RBFOX1: variants seen among roughly 807,000 people sequenced by gnomAD.
RBFOX1 encodes RNA binding fox-1 homolog 1.
Under a neutral mutation model 57.7 loss-of-function variants are expected in RBFOX1, and 8 were observed. The ratio of observed to expected loss-of-function variants is 0.14; its 90% CI spans 0.08 to 0.25. The LOEUF (loss-of-function observed/expected upper bound fraction) is 0.25. Ranked by LOEUF, RBFOX1 falls within the 10% of genes least tolerant of loss-of-function variation. The pLI, the probability that RBFOX1 is intolerant of heterozygous loss-of-function variation, is 1.00. For synonymous variants in RBFOX1, 326 were observed against 222.4 expected (o/e 1.47, Z -4.15); for missense variants, 611 against 548.5 (o/e 1.11, Z -1.14).
chr16:6,471,804 G>C (rs796573378), intron 2 of RBFOX1, among the ~76,000 whole-genome samples: 35 of 152,274 alleles, frequency 2.3e-4, no homozygotes, highest in African/African-American at 8.2e-4. Flanking sequence ...TGCAATCCCA[G>C]CTGTGTCTGG....
intron 1 of RBFOX1, among the ~76,000 whole-genome samples, chr16:6,282,322 C>G (rs921547817): frequency 1.4e-5 from 2 of 147,550 alleles, no homozygotes; most frequent in Non-Finnish European, 3.0e-5. Flanking sequence ...CTAGCTATGG[C>G]TTCAGGGCCT....
At chr16:5,823,905 CAT>C (rs2055944411) in intron 3 of RBFOX1, among the ~76,000 whole-genome samples, 1 of 152,100 alleles carries the variant, frequency 6.6e-6, no homozygotes, top group Non-Finnish European at 1.5e-5. Flanking sequence ...GCACAATAAA[CAT>C]AATGTAATTG....
chr16:6,828,280 C>A (rs1173378991), intron 3 of RBFOX1, among the ~76,000 whole-genome samples: 1 of 152,062 alleles, frequency 6.6e-6, no homozygotes. Context: ...AATCCCAGCA[C>A]TTTGGGAGGC....
intron 3 of RBFOX1, among the ~76,000 whole-genome samples, chr16:6,978,594 C>G (rs77492733): frequency 1.3e-5 from 2 of 152,226 alleles, no homozygotes; most frequent in East Asian, 1.9e-4. Context: ...TGGGTATTAC[C>G]AGGTTGGGTG....
chr16:5,409,765 G>T (rs1057500331), intron 1 of RBFOX1, among the ~76,000 whole-genome samples: 12 of 152,246 alleles, frequency 7.9e-5, no homozygotes, highest in South Asian at 2.1e-4. Context: ...TCAACATGCA[G>T]GCTGGGCATG....
intron 2 of RBFOX1, among the ~76,000 whole-genome samples, chr16:5,499,649 T>G (rs2151693098): frequency 6.6e-6 from 1 of 152,204 alleles, no homozygotes; most frequent in South Asian, 2.1e-4. Flanking sequence ...CTCAGCTCAC[T>G]GCAGTCTCCA....
chr16:5,476,665 C>T (rs560593204), intron 2 of RBFOX1, among the ~76,000 whole-genome samples: 4 of 152,208 alleles, frequency 2.6e-5, no homozygotes, highest in Non-Finnish European at 5.9e-5. Context: ...GGACAAGATA[C>T]ATGTTTAATA....
chr16:6,329,002 G>C (rs1177764324), intron 2 of RBFOX1, among the ~76,000 whole-genome samples: 1 of 152,162 alleles, frequency 6.6e-6, no homozygotes, highest in Non-Finnish European at 1.5e-5. Flanking sequence ...TGGTTCTGAA[G>C]TTCAATTTGA....
chr16:7,416,192 T>C (rs1348137023), intron 4 of RBFOX1, among the ~76,000 whole-genome samples: 1 of 152,170 alleles, frequency 6.6e-6, no homozygotes, highest in East Asian at 1.9e-4. Context: ...AAATGGGAAG[T>C]GACAGATTCA....
At chr16:6,388,244 G>T (rs1458922489) in intron 2 of RBFOX1, among the ~76,000 whole-genome samples, 1 of 152,090 alleles carries the variant, frequency 6.6e-6, no homozygotes, top group Non-Finnish European at 1.5e-5. Context: ...GGGATTACAG[G>T]TGTGAGCCAC....
intron 1 of RBFOX1, among the ~76,000 whole-genome samples, chr16:6,295,644 C>T (rs537801089): frequency 6.6e-6 from 1 of 152,308 alleles, no homozygotes; most frequent in South Asian, 2.1e-4. Context: ...TGAGCGGTCT[C>T]ATTTCACACA....
At chr16:7,249,049 G>T (rs1057273467) in intron 4 of RBFOX1, among the ~76,000 whole-genome samples, 1 of 152,108 alleles carries the variant, frequency 6.6e-6, no homozygotes. Flanking sequence ...ATAATAGAGG[G>T]AGGGAAAAGT....
chr16:5,321,531 A>G (rs945660872), intron 1 of RBFOX1, among the ~76,000 whole-genome samples: 4 of 152,280 alleles, frequency 2.6e-5, no homozygotes, highest in African/African-American at 9.6e-5. Context: ...TGTGTTAGCC[A>G]GGATGGTCTC....
intron 3 of RBFOX1, among the ~76,000 whole-genome samples, chr16:5,716,718 G>T (rs1158338174): frequency 6.6e-6 from 1 of 152,228 alleles, no homozygotes; most frequent in Non-Finnish European, 1.5e-5. Context: ...GTGAGCATAG[G>T]TGTCCATGTG....
intron 2 of RBFOX1, among the ~76,000 whole-genome samples, chr16:6,349,622 G>C (rs1367932046): frequency 2.0e-5 from 3 of 152,176 alleles, no homozygotes; most frequent in Admixed American, 2.0e-4. Flanking sequence ...AGCTTGCAGA[G>C]AGTGCAGGTA....
intron 1 of RBFOX1, among the ~76,000 whole-genome samples, chr16:5,463,762 T>G (rs1257666956): frequency 2.0e-5 from 3 of 148,348 alleles, no homozygotes; most frequent in African/African-American, 7.5e-5. Context: ...ATTGCACCAC[T>G]GCACTCCAGC....
chr16:5,509,960 T>C (rs191117125), intron 2 of RBFOX1, among the ~76,000 whole-genome samples: 49 of 152,308 alleles, frequency 3.2e-4, no homozygotes, highest in Admixed American at 3.1e-3. Context: ...TCATGTGATG[T>C]CAGGGCACAA....
At chr16:7,088,784 T>G (rs1365169299) in intron 4 of RBFOX1, among the ~76,000 whole-genome samples, 6 of 152,202 alleles carry the variant, frequency 3.9e-5, no homozygotes, top group Non-Finnish European at 8.8e-5. Context: ...ATTTCAGGTT[T>G]AGAGCAGGTG....
intron 4 of RBFOX1, among the ~76,000 whole-genome samples, chr16:7,416,237 T>C (rs940291891): frequency 6.6e-6 from 1 of 152,188 alleles, no homozygotes; most frequent in African/African-American, 2.4e-5. Context: ...GAAACAGATA[T>C]TATTTCTCCC....
Sources: allele counts gnomAD v4.1 joint callset (sites outside exome capture counted in the v4.1 genomes callset), GRCh38; gene constraint gnomAD v4.1.1; transcripts MANE v1.5; gene names NCBI Gene and HGNC (gene_info 2026-07-23, HGNC 2026-07-21).